CPA6: variants seen among roughly 807,000 people sequenced by gnomAD.
CPA6 encodes carboxypeptidase B.
Under a neutral mutation model 63.3 loss-of-function variants are expected in CPA6, and 58 were observed. The ratio of observed to expected loss-of-function variants is 0.92; its 90% CI spans 0.74 to 1.14. The LOEUF (loss-of-function observed/expected upper bound fraction) is 1.14. Among genes scored for constraint, CPA6 ranks in the 50% most tolerant of loss-of-function variants. The pLI is 0.00. For missense variants in CPA6, 565 were observed against 526.6 expected (o/e 1.07, Z -0.71); for synonymous variants, 185 against 179.0 (o/e 1.03, Z -0.27).
intron 2 of CPA6, among the ~76,000 whole-genome samples, chr8:67,606,297 A>T (rs981700027): frequency 6.6e-6 from 1 of 152,072 alleles, no homozygotes; most frequent in Non-Finnish European, 1.5e-5. Flanking sequence ...AAACCTGCAC[A>T]TTGTGCACAT....
intron 8 of CPA6, among the ~76,000 whole-genome samples, chr8:67,475,823 T>TTTCTTTTC (rs1554666526): frequency 8.7e-5 from 4 of 45,986 alleles, no homozygotes; most frequent in African/African-American, 4.1e-4. Context: ...CTTTCCTTTC[T>TTTCTTTTC]TTTCTTTCTT....
At chr8:67,529,256 C>T (rs1467935675) in intron 2 of CPA6, among the ~76,000 whole-genome samples, 1 of 151,982 alleles carries the variant, frequency 6.6e-6, no homozygotes, top group African/African-American at 2.4e-5. Flanking sequence ...TTTGATTAAA[C>T]AAGCTGTAGA....
chr8:67,726,086 A>G (rs566660935), intron 1 of CPA6, among the ~76,000 whole-genome samples: 1 of 152,302 alleles, frequency 6.6e-6, no homozygotes, highest in African/African-American at 2.4e-5. Context: ...AAGGTTTTAG[A>G]ACTCATGAGA....
chr8:67,596,406 T>C (rs1814336408), intron 2 of CPA6, among the ~76,000 whole-genome samples: 1 of 152,246 alleles, frequency 6.6e-6, no homozygotes, highest in South Asian at 2.1e-4. Context: ...GCTGTTAAGC[T>C]GCTTGTTTTA....
intron 9 of CPA6, among the ~76,000 whole-genome samples, chr8:67,428,494 T>C (rs1218558770): frequency 2.0e-5 from 3 of 151,062 alleles, no homozygotes; most frequent in Non-Finnish European, 3.0e-5. Flanking sequence ...ATTTCTTTCT[T>C]TTTTTTTTGG....
At chr8:67,644,489 A>C (rs1278766181) in intron 1 of CPA6, among the ~76,000 whole-genome samples, 2 of 152,152 alleles carry the variant, frequency 1.3e-5, no homozygotes, top group East Asian at 1.9e-4. Context: ...GCATAACCCC[A>C]AAAGCACAGT....
At chr8:67,529,694 A>C (rs1812437092) in intron 2 of CPA6, among the ~76,000 whole-genome samples, 1 of 152,212 alleles carries the variant, frequency 6.6e-6, no homozygotes, top group Non-Finnish European at 1.5e-5. Context: ...TCTCACCCAA[A>C]GCAAGGACAT....
chr8:67,427,141 TAAG>T (rs1439216872), intron 10 of CPA6, among the ~76,000 whole-genome samples: 7 of 152,208 alleles, frequency 4.6e-5, no homozygotes, highest in Admixed American at 4.6e-4. Context: ...ATTCTCACTA[TAAG>T]AAGGGTGAGA....
chr8:67,570,594 T>C (rs1279981387), intron 2 of CPA6, among the ~76,000 whole-genome samples: 1 of 152,224 alleles, frequency 6.6e-6, no homozygotes, highest in African/African-American at 2.4e-5. Flanking sequence ...TTTAGAGTTG[T>C]ACGCAATAAA....
intron 2 of CPA6, among the ~76,000 whole-genome samples, chr8:67,601,237 C>G (rs187302558): frequency 6.6e-6 from 1 of 152,310 alleles, no homozygotes; most frequent in East Asian, 1.9e-4. Flanking sequence ...GCAGAACTCT[C>G]TAGCTCAACG....
At chr8:67,534,429 C>T (rs749332360) in intron 2 of CPA6, among the ~76,000 whole-genome samples, 2 of 152,122 alleles carry the variant, frequency 1.3e-5, no homozygotes, top group Admixed American at 6.5e-5. Flanking sequence ...TCTAGCTATA[C>T]AGGTACATGT....
intron 8 of CPA6, among the ~76,000 whole-genome samples, chr8:67,439,662 T>C (rs1810245660): frequency 6.6e-6 from 1 of 151,886 alleles, no homozygotes. Context: ...AATACAGGAA[T>C]TAAGACGGCA....
intron 2 of CPA6, among the ~76,000 whole-genome samples, chr8:67,562,727 GAC>G (rs1182119627): frequency 1.3e-5 from 2 of 152,110 alleles, no homozygotes; most frequent in East Asian, 3.9e-4. Context: ...TCCATGTAAG[GAC>G]ACAGTGGAAA....
intron 8 of CPA6, among the ~76,000 whole-genome samples, chr8:67,466,597 C>T (rs1170303853): frequency 2.0e-5 from 3 of 152,124 alleles, no homozygotes; most frequent in Non-Finnish European, 4.4e-5. Flanking sequence ...AGGCATTTAG[C>T]ACTATAAACT....
At chr8:67,608,463 G>T (rs1030071361) in intron 2 of CPA6, among the ~76,000 whole-genome samples, 33 of 152,116 alleles carry the variant, frequency 2.2e-4, no homozygotes, top group African/African-American at 7.7e-4. Flanking sequence ...TCATCTTCCC[G>T]CTCCGTTCAC....
chr8:67,713,095 G>A (rs1340079164), intron 1 of CPA6, among the ~76,000 whole-genome samples: 1,048 of 85,998 alleles, frequency 0.012, 10 homozygotes, highest in Non-Finnish European at 0.017. Flanking sequence ...GTGTGTGTGT[G>A]TGTGTATATA....
At chr8:67,524,546 T>C (rs1055072694) in intron 2 of CPA6, among the ~76,000 whole-genome samples, 2 of 152,162 alleles carry the variant, frequency 1.3e-5, no homozygotes, top group Admixed American at 6.5e-5. Context: ...CTCTTCTGTG[T>C]CTTCTCCTCT....
At chr8:67,486,372 A>G (rs1563972566) in intron 6 of CPA6, among the ~76,000 whole-genome samples, 1 of 152,250 alleles carries the variant, frequency 6.6e-6, no homozygotes, top group Non-Finnish European at 1.5e-5. Flanking sequence ...TGCATTGCAG[A>G]TCAATAGGGA....
At chr8:67,684,251 T>C (rs1035619581) in intron 1 of CPA6, among the ~76,000 whole-genome samples, 1 of 151,902 alleles carries the variant, frequency 6.6e-6, no homozygotes, top group African/African-American at 2.4e-5. Flanking sequence ...AGATGATATT[T>C]CTCTTGATGT....
Sources: allele counts gnomAD v4.1 joint callset (sites outside exome capture counted in the v4.1 genomes callset), GRCh38; gene constraint gnomAD v4.1.1; transcripts MANE v1.5; gene names NCBI Gene and HGNC (gene_info 2026-07-23, HGNC 2026-07-21).